The following MAP3K14 variants were observed in gnomAD, a reference collection of about 807,000 sequenced individuals.
MAP3K14 encodes mitogen-activated protein kinase kinase kinase 14.
MAP3K14 carries 16 observed loss-of-function variants against 99.2 expected under a neutral mutation model. That is an observed-to-expected ratio of 0.16 (90% CI 0.11 to 0.24). The LOEUF (loss-of-function observed/expected upper bound fraction) is 0.24. Among genes scored for constraint, MAP3K14 ranks in the 10% least tolerant of loss-of-function variants. MAP3K14 has a pLI of 1.00. For missense variants in MAP3K14, 784 were observed against 1,208.7 expected (o/e 0.65, Z 5.21); for synonymous variants, 462 against 492.4 (o/e 0.94, Z 0.82).
At chr17:45,275,509 C>T (rs1794327288) in intron 6 of MAP3K14, among the ~76,000 whole-genome samples, 1 of 150,570 alleles carries the variant, frequency 6.6e-6, no homozygotes, top group Admixed American at 6.6e-5. Context: ...AAAAAACCCA[C>T]AAAAAAACAA....
intron 6 of MAP3K14, among the ~76,000 whole-genome samples, chr17:45,278,007 G>A (rs1413648762): frequency 1.3e-5 from 2 of 152,162 alleles, no homozygotes; most frequent in African/African-American, 2.4e-5. Flanking sequence ...CTTATGTCAC[G>A]CTTTTCAAAT....
chr17:45,268,593 G>C (rs188188291), intron 11 of MAP3K14: 1 of 151,948 alleles, frequency 6.6e-6, no homozygotes, highest in African/African-American at 2.4e-5. Context: ...ATTATGTTCT[G>C]GGTCCCATTC....
intron 7 of MAP3K14, 33 bp from the exon 8 acceptor site, chr17:45,274,287 C>G (rs902833513): frequency 1.1e-5 from 17 of 1,589,934 alleles, no homozygotes; most frequent in Non-Finnish European, 1.5e-5. Flanking sequence ...ATACATGGGA[C>G]TTGCCCGAGC....
intron 5 of MAP3K14, among the ~76,000 whole-genome samples, chr17:45,285,361 C>A: frequency 6.6e-6 from 1 of 152,152 alleles, no homozygotes; most frequent in Admixed American, 6.5e-5. Context: ...CATGGTGGCT[C>A]ACGCCTGTAA....
At chr17:45,312,895 A>C (rs2044493586) in intron 1 of MAP3K14, among the ~76,000 whole-genome samples, 1 of 152,180 alleles carries the variant, frequency 6.6e-6, no homozygotes. Context: ...CCCCCAAAGA[A>C]CAAGTCCTTG....
Position 45,286,318 on chromosome 17 carries a change from C to T in MAP3K14, c.1152+113G>A. 1.6e-6 allele frequency: 2 copies of T among 1,258,674 alleles called. No individual in the cohort carries two copies. Among genetic ancestry groups the T allele is most frequent in the South Asian group, 3.2e-5 (2 of 62,818 alleles). The allele number at this position is 1,258,674 out of a possible 1,614,324, so 78.0% of individuals were successfully genotyped here. ...TGATACTTTTCATCCACAATGAGCA[C>T]TGTCCTACTGTTTGATTTGTCACCA... On this transcript the variant is annotated intron_variant, in intron 5 of 15. Coordinates refer to ENST00000344686, the MANE Select transcript of MAP3K14 (RefSeq NM_003954.5). The surrounding 1 kb of genome is among the most constrained non-coding windows in gnomAD (Gnocchi z 4.1).
At chr17:45,285,306 G>A (rs1276064284) in intron 5 of MAP3K14, among the ~76,000 whole-genome samples, 1 of 152,016 alleles carries the variant, frequency 6.6e-6, no homozygotes, top group African/African-American at 2.4e-5. Context: ...CAGTGAAGAG[G>A]GGCGGGGGTC....
Position 45,284,958 on chromosome 17 carries a change from G to C in MAP3K14, c.1153-9C>G, listed in dbSNP as rs1207743677. On this transcript the variant is annotated splice_polypyrimidine_tract_variant and intron_variant, in intron 5 of 15. Coordinates refer to ENST00000344686, the MANE Select transcript of MAP3K14 (RefSeq NM_003954.5). ...TCCACTGGCTTGAGTTTCTGGGGTTGGCAGGAGAGAGAGGACAGTTTCAGT... is the reference window on the plus strand; with the variant it reads ...TCCACTGGCTTGAGTTTCTGGGGTTCGCAGGAGAGAGAGGACAGTTTCAGT... 4.8e-5 allele frequency: 75 copies of C among 1,551,138 alleles called. No individual in the cohort carries two copies. The highest frequency in any genetic ancestry group is 6.4e-5 in the Non-Finnish European group (73 of 1,146,648).
At chr17:45,288,200 C>T (rs1319736447) in intron 3 of MAP3K14, among the ~76,000 whole-genome samples, 5 of 152,166 alleles carry the variant, frequency 3.3e-5, no homozygotes, top group Non-Finnish European at 7.3e-5. Flanking sequence ...ATCAGAGGCT[C>T]CTACCCTGGG....
intron 1 of MAP3K14, among the ~76,000 whole-genome samples, chr17:45,311,722 G>A (rs1383745065): frequency 6.6e-6 from 1 of 152,194 alleles, no homozygotes; most frequent in Non-Finnish European, 1.5e-5. Context: ...GAGCTCTGCA[G>A]AGACTCCAAC....
Position 45,271,070 on chromosome 17 carries a change from C to G in MAP3K14, c.1809G>C (p.Pro603=), listed in dbSNP as rs776444527. The change falls in exon 10 of 16, where the codon CCG becomes CCC. Residue 603 remains proline (P), a synonymous_variant. Transcript: ENST00000344686. ...CHPWTQFFRG[P]LCLKIASEPP... ...TGCCGTCACCGACCTTGAGGCAGAG[C>G]GGCCCTCGGAAGAACTGAGTCCAGG... 3.1e-6 allele frequency: 5 copies of G among 1,612,526 alleles called. No individual in the cohort carries two copies. The African/African-American group carries it at 5.3e-5, about 17-fold the overall frequency.
At chr17:45,298,001 G>T (rs1386833963) in intron 1 of MAP3K14, among the ~76,000 whole-genome samples, 4 of 152,182 alleles carry the variant, frequency 2.6e-5, no homozygotes, top group Non-Finnish European at 4.4e-5. Context: ...TTACAGGCAT[G>T]AGCCACCATG....
chr17:45,292,352 C>G (rs1209718549), intron 1 of MAP3K14, among the ~76,000 whole-genome samples: 1 of 152,096 alleles, frequency 6.6e-6, no homozygotes, highest in Non-Finnish European at 1.5e-5. Flanking sequence ...ATTACTTGAG[C>G]CCAGGAGTTC....
intron 1 of MAP3K14, among the ~76,000 whole-genome samples, chr17:45,310,550 C>T (rs998155221): frequency 1.3e-5 from 2 of 152,166 alleles, no homozygotes; most frequent in Non-Finnish European, 2.9e-5. Context: ...CCAGATATGA[C>T]ATCATGACAT....
At chr17:45,313,516 C>A (rs1043533895) in intron 1 of MAP3K14, among the ~76,000 whole-genome samples, 2 of 152,148 alleles carry the variant, frequency 1.3e-5, no homozygotes, top group African/African-American at 4.8e-5. Flanking sequence ...ACAGGCAGGC[C>A]GTGGCAGACC....
intron 5 of MAP3K14, among the ~76,000 whole-genome samples, chr17:45,285,899 CTATGATTG>C (rs2044260458): frequency 6.7e-6 from 1 of 149,614 alleles, no homozygotes; most frequent in Non-Finnish European, 1.5e-5. Context: ...CTGTAGTGAG[CTATGATTG>C]TACGACTGCA....
intron 6 of MAP3K14, among the ~76,000 whole-genome samples, chr17:45,275,805 A>G (rs1373393257): frequency 7.5e-6 from 1 of 134,192 alleles, no homozygotes; most frequent in Non-Finnish European, 1.5e-5. Flanking sequence ...TCTGTCGCCC[A>G]GGCTGGAGTA....
chr17:45,308,926 C>T (rs773847770), intron 1 of MAP3K14, among the ~76,000 whole-genome samples: 21 of 152,110 alleles, frequency 1.4e-4, no homozygotes, highest in Non-Finnish European at 7.4e-5. Flanking sequence ...CTTGGCCTCC[C>T]GAAGTGCTGG....
chr17:45,290,810 C>A (rs537000282), intron 1 of MAP3K14, 45 bp from the exon 2 acceptor site: 2 of 1,579,744 alleles, frequency 1.3e-6, no homozygotes, highest in Non-Finnish European at 1.7e-6. Context: ...AATCCCAGAC[C>A]TGGGAGAACA....
Sources: allele counts gnomAD v4.1 joint callset (sites outside exome capture counted in the v4.1 genomes callset), GRCh38; gene constraint gnomAD v4.1.1; non-coding constraint Gnocchi (gnomAD v3.1); transcripts MANE v1.5; gene names NCBI Gene and HGNC (gene_info 2026-07-23, HGNC 2026-07-21).